CABIN1: variants seen among roughly 807,000 people sequenced by gnomAD.
CABIN1 encodes calcineurin binding protein 1.
A neutral mutation model predicts 227.7 loss-of-function variants in CABIN1; 133 were observed. The ratio of observed to expected loss-of-function variants is 0.58; its 90% confidence interval spans 0.51 to 0.67. The LOEUF (loss-of-function observed/expected upper bound fraction) is 0.67, where lower values mean the gene tolerates loss of function less well. Ranked by LOEUF, CABIN1 falls within the 30% of genes least tolerant of loss-of-function variation. CABIN1 has a pLI of 0.00. For synonymous variants in CABIN1, 1,086 were observed against 1,155.1 expected, an observed-to-expected ratio of 0.94 and a Z score of 1.21; for missense variants, 2,408 against 2,852.5, an observed-to-expected ratio of 0.84 and a Z score of 3.55.
intron 29 of CABIN1, among the ~76,000 whole-genome samples, chr22:24,137,059 T>TA (rs1372554445): frequency 3.3e-5 from 5 of 152,140 alleles, no homozygotes; most frequent in Non-Finnish European, 5.9e-5. Flanking sequence ...GCTTGAAGAG[T>TA]AACTGTAGGA....
At chr22:24,112,744 C>T (rs899983301) in intron 26 of CABIN1, among the ~76,000 whole-genome samples, 1 of 152,080 alleles carries the variant, frequency 6.6e-6, no homozygotes, top group Non-Finnish European at 1.5e-5. Context: ...ATTTCCTGCC[C>T]CTCCCTTAGA....
chr22:24,070,811 C>G lies in CABIN1; in HGVS notation c.2244C>G (p.Leu748=), dbSNP rs762404614. 11 of 1,614,076 alleles carry G rather than the reference C, an allele frequency of 6.8e-6. No individual in the cohort carries two copies. Among genetic ancestry groups the G allele is most frequent in the Non-Finnish European group, 9.3e-6 (11 of 1,180,040 alleles). The change falls in exon 17 of 37, where the codon CTC becomes CTG. Residue 748 remains leucine, a synonymous_variant. Coordinates refer to ENST00000263119, the MANE Select transcript of CABIN1 (RefSeq NM_012295.4). ...TCTTGCTGTACTAGGACTCCTTGCT[C>G]CGGCTGAAGGACTATCGGCAGTGTT... ...AQLLLLQDSL[L]RLKDYRQCFE... is the part of the protein sequence containing the mutation.
At chr22:24,148,378 A>C (rs2148440652) in intron 29 of CABIN1, among the ~76,000 whole-genome samples, 2 of 152,366 alleles carry the variant, frequency 1.3e-5, no homozygotes, top group East Asian at 3.9e-4. Context: ...CCAGAGTTAA[A>C]GGGCACAAGC....
rs2047184925 is a variant in CABIN1 at position 24,177,542 on chromosome 22, G to A, written c.6244G>A (p.Ala2082Thr). ...GCCTGAGCCGAGAAGGGATGGGGAG[G>A]CTCAGGAGGCTGCGAGTGAGACTCA... is the stretch of plus-strand genomic sequence containing the variant. ...LRPEPRRDGE[A>T]QEAASETQPL... is the part of the protein sequence containing the mutation. Residue 2082 changes from alanine to threonine, a missense_variant, in exon 36 of 37, where the codon GCT (alanine) becomes ACT (threonine). By Grantham distance (58) the Ala-to-Thr change is moderately conservative. Coordinates refer to ENST00000263119, the MANE Select transcript of CABIN1 (RefSeq NM_012295.4). This position sits in a 1 kb window ranked among gnomAD's most constrained non-coding sequence, Gnocchi z 4.4. The A allele has an allele frequency of 6.4e-7, 1 of 1,570,292 alleles. No individual in the cohort carries two copies. The highest frequency in any genetic ancestry group is 1.2e-5 in the South Asian group (1 of 86,534).
At chr22:24,012,638 G>GT (rs1189916081) in intron 1 of CABIN1, among the ~76,000 whole-genome samples, 1 of 152,194 alleles carries the variant, frequency 6.6e-6, no homozygotes, top group Non-Finnish European at 1.5e-5. Context: ...ATTCTAAGGG[G>GT]TTTGGAAACT....
At chr22:24,062,138 C>A in intron 13 of CABIN1, 113 bp downstream of exon 13, 1 of 875,740 alleles carries the variant, frequency 1.1e-6, no homozygotes. Context: ...CTACAGTAGG[C>A]ACATTTTTTG....
chr22:24,072,426 A>G lies in CABIN1; in HGVS notation c.2548A>G (p.Ile850Val). 1.2e-6 allele frequency: 2 copies of G among 1,614,162 alleles called. No individual in the cohort carries two copies. The highest frequency in any genetic ancestry group is 1.7e-6 in the Non-Finnish European group (2 of 1,179,996). ...CGTCTCTTCAGTGCTACCCTGGATC[A>G]TTCTACACCGGATCATCTGGCAGGA... is the stretch of plus-strand genomic sequence containing the variant. ...PHVSSVLPWI[I>V]LHRIIWQEED... The change falls in exon 18 of 37, where the codon ATT becomes GTT. Residue 850 changes from isoleucine (I) to valine (V), a missense_variant. By Grantham distance (29) the Ile-to-Val change is conservative. Around this residue, in one of 3 missense-constraint regions of CABIN1, gnomAD observed 1,045 missense variants for 1,168.4 expected, o/e 0.89. Coordinates refer to ENST00000263119, the MANE Select transcript of CABIN1 (RefSeq NM_012295.4).
intron 1 of CABIN1, among the ~76,000 whole-genome samples, chr22:24,025,921 C>A (rs570899949): frequency 1.3e-5 from 2 of 152,046 alleles, no homozygotes; most frequent in East Asian, 3.9e-4. Flanking sequence ...GCAGCCTCAA[C>A]CTCCTGGACT....
At chr22:24,059,532 T>TC (rs1173986102) in intron 11 of CABIN1, among the ~76,000 whole-genome samples, 169 bp downstream of exon 11, 3 of 152,240 alleles carry the variant, frequency 2.0e-5, no homozygotes, top group Non-Finnish European at 4.4e-5. Flanking sequence ...TTGGAGGTCT[T>TC]CTGAAATGTC....
intron 27 of CABIN1, among the ~76,000 whole-genome samples, chr22:24,118,164 G>T (rs115739479): frequency 6.6e-6 from 1 of 152,176 alleles, no homozygotes; most frequent in African/African-American, 2.4e-5. Flanking sequence ...GCGATGCAGG[G>T]GAGGGAGAAG....
chr22:24,062,214 C>T (rs185252934), intron 13 of CABIN1, among the ~76,000 whole-genome samples, 189 bp downstream of exon 13: 1 of 152,236 alleles, frequency 6.6e-6, no homozygotes. Context: ...AGTAGCTGAG[C>T]CCCCAGAGGG....
rs2046587414 is a variant in CABIN1 at position 24,168,448 on chromosome 22, T to C, written c.5684T>C (p.Val1895Ala). ...GACTTCCAGCATCTCCCTGTTAAGG[T>C]GGATGAGGAGGCTGCGCTGGAGCAG... ...MSETYMLIKQ[V>A]DEEAALEQAV... The change falls in exon 33 of 37, where the codon GTG (valine) becomes GCG (alanine). Residue 1895 changes from valine to alanine, a missense_variant and splice_region_variant. By Grantham distance (64) the Val-to-Ala change is moderately conservative. Coordinates refer to ENST00000263119, the MANE Select transcript of CABIN1 (RefSeq NM_012295.4). The C allele has an allele frequency of 6.4e-7, 1 of 1,569,652 alleles. No individual in the cohort carries two copies. The highest frequency in any genetic ancestry group is 1.8e-5 in the Admixed American group (1 of 54,348).
intron 29 of CABIN1, among the ~76,000 whole-genome samples, chr22:24,139,008 A>G (rs2044583799): frequency 6.6e-6 from 1 of 152,136 alleles, no homozygotes; most frequent in Non-Finnish European, 1.5e-5. Context: ...AAAAAGAGAG[A>G]TTCTCTTTAC....
chr22:24,072,278 T>G, intron 17 of CABIN1, 76 bp from the exon 18 acceptor site: 1 of 1,555,584 alleles, frequency 6.4e-7, no homozygotes, highest in Non-Finnish European at 8.8e-7. Context: ...CCAAGAGGCC[T>G]CCTGCCTCCC....
chr22:24,096,820 A>T (rs2041923145), intron 25 of CABIN1, among the ~76,000 whole-genome samples: 1 of 152,182 alleles, frequency 6.6e-6, no homozygotes, highest in African/African-American at 2.4e-5. Flanking sequence ...GAGCCAGGGG[A>T]GGGCTCAGCT....
chr22:24,094,912 G>A (rs1464855555), intron 24 of CABIN1, among the ~76,000 whole-genome samples: 1 of 150,764 alleles, frequency 6.6e-6, no homozygotes, highest in African/African-American at 2.4e-5. Context: ...CTCTGCTATT[G>A]TGCCTTCATT....
intron 26 of CABIN1, among the ~76,000 whole-genome samples, chr22:24,107,200 C>G (rs893105510): frequency 1.3e-5 from 2 of 152,190 alleles, no homozygotes; most frequent in African/African-American, 2.4e-5. Flanking sequence ...GCAGCCCACC[C>G]CAGCATCATG....
chr22:24,133,311 C>CT (rs1602266580), intron 28 of CABIN1, among the ~76,000 whole-genome samples: 1 of 152,230 alleles, frequency 6.6e-6, no homozygotes, highest in East Asian at 1.9e-4. Flanking sequence ...GCTGGAGTTG[C>CT]ACTTTTGCCT....
chr22:24,082,085 C>CTTTTTTT (rs71184946), intron 19 of CABIN1, among the ~76,000 whole-genome samples: 1 of 121,182 alleles, frequency 8.3e-6, no homozygotes, highest in Non-Finnish European at 1.7e-5. Flanking sequence ...TATTCTCTCT[C>CTTTTTTT]TTTTTTTTTT....
Sources: gnomAD v4.1 joint callset for allele counts (sites outside exome capture counted in the v4.1 genomes callset) on GRCh38, gnomAD v4.1.1 for gene constraint, gnomAD v4.1.1 regional missense constraint, Gnocchi (gnomAD v3.1) non-coding constraint, MANE v1.5 for transcripts, NCBI Gene and HGNC (gene_info 2026-07-23, HGNC 2026-07-21) for gene names.